AQP7: variants seen among roughly 807,000 people sequenced by gnomAD.
AQP7 encodes aquaporin-7.
AQP7 carries 22 observed loss-of-function variants against 26.1 expected under a neutral mutation model. That is an observed-to-expected ratio of 0.84 (90% CI 0.60 to 1.20). The LOEUF (loss-of-function observed/expected upper bound fraction) is 1.20, where lower values mean the gene tolerates loss of function less well. AQP7 is among the 50% of genes most tolerant of loss of function. The pLI, the probability that AQP7 is intolerant of heterozygous loss-of-function variation, is 0.00. For missense variants in AQP7, 412 were observed against 457.5 expected, an observed-to-expected ratio of 0.90 and a Z score of 0.91; for synonymous variants, 167 against 181.7, an observed-to-expected ratio of 0.92 and a Z score of 0.65.
In AQP7 at chr9:33,385,139, T is replaced by C. The variant is rs1430363924; in HGVS notation, c.895A>G (p.Thr299Ala). ...TGAGATCCCATCTTGGGCAATACGG[T>C]TATCCCGTGGTCTTCATACGCCACA... Reference protein sequence around the residue: ...DSVAYEDHGITVLPKMGSHEP... With the variant: ...DSVAYEDHGIAVLPKMGSHEP... The change falls in exon 8 of 8, where the codon ACC becomes GCC. Residue 299 changes from threonine to alanine, a missense_variant. By Grantham distance (58) the Thr-to-Ala change is moderately conservative. Coordinates refer to ENST00000297988, the MANE Select transcript of AQP7 (RefSeq NM_001170.3). 1 of 1,611,742 alleles carries C rather than the reference T, an allele frequency of 6.2e-7. No individual in the cohort carries two copies. Among genetic ancestry groups the C allele is most frequent in the South Asian group, 1.1e-5 (1 of 90,956 alleles).
In AQP7 at chr9:33,402,548, G is replaced by A. The variant is rs868069246; in HGVS notation, c.-201C>T. Reference sequence around the variant, plus strand: ...CTCTCAGCTCTCCCAGGGCGGCCTCGAGCGCTGCTCCTGCTCCTCCAGGGG... The same window carrying A: ...CTCTCAGCTCTCCCAGGGCGGCCTCAAGCGCTGCTCCTGCTCCTCCAGGGG... On this transcript the variant is annotated 5_prime_UTR_variant, in exon 1 of 8. Coordinates refer to ENST00000297988, the MANE Select transcript of AQP7 (RefSeq NM_001170.3). The A allele has an allele frequency of 2.0e-5, 3 of 152,832 alleles. No homozygotes were observed. The highest frequency in any genetic ancestry group is 2.1e-4 in the South Asian group (1 of 4,838). The allele number at this position is 152,832 out of a possible 1,614,324, so 9.5% of individuals were successfully genotyped here.
Position 33,397,385 on chromosome 9 carries a change from A to G in AQP7, c.27-2190T>C, listed in dbSNP as rs546790091. Among the ~76,000 whole-genome samples the G allele has an allele frequency of 2.0e-5, 3 of 152,036 alleles. No homozygotes were observed. The East Asian group carries it at 5.8e-4, about 30-fold the overall frequency. ...TCTTTGGGCTGCTGCTTGCATTGGT[A>G]GGGTCTCTTCTTCAGGGCTGAGGAG... On this transcript the variant is annotated intron_variant, in intron 2 of 7. Coordinates refer to ENST00000297988, the MANE Select transcript of AQP7 (RefSeq NM_001170.3).
chr9:33,394,773 C>T (rs1825709830), intron 3 of AQP7, among the ~76,000 whole-genome samples: 1 of 152,142 alleles, frequency 6.6e-6, no homozygotes, highest in Non-Finnish European at 1.5e-5. Context: ...GCTGGAATTA[C>T]AGGCATGAGC....
chr9:33,389,011 G>A (rs955769127), intron 3 of AQP7, among the ~76,000 whole-genome samples: 1 of 146,094 alleles, frequency 6.8e-6, no homozygotes, highest in African/African-American at 2.5e-5. Flanking sequence ...CATGTGCCTC[G>A]GCACCCAGCC....
chr9:33,398,670 G>A (rs1826025275), intron 2 of AQP7, among the ~76,000 whole-genome samples: 1 of 152,180 alleles, frequency 6.6e-6, no homozygotes, highest in Non-Finnish European at 1.5e-5. Context: ...GGCCCTTTCT[G>A]GGCATGTTGA....
intron 2 of AQP7, among the ~76,000 whole-genome samples, chr9:33,399,600 CA>C (rs879423212): frequency 1.7e-4 from 24 of 145,096 alleles, no homozygotes; most frequent in East Asian, 8.1e-4. Context: ...GACTCCATCT[CA>C]AAAAAAAAAA....
intron 3 of AQP7, among the ~76,000 whole-genome samples, chr9:33,387,669 G>A (rs1824986350): frequency 6.6e-6 from 1 of 151,864 alleles, no homozygotes; most frequent in South Asian, 2.1e-4. Context: ...ATCCCTCACG[G>A]CTCCTCAGAT....
intron 3 of AQP7, among the ~76,000 whole-genome samples, chr9:33,387,684 A>C (rs3860976): frequency 0.022 from 3,291 of 150,128 alleles, 50 homozygotes; most frequent in East Asian, 0.042. Flanking sequence ...TCAGATAATG[A>C]CGCCTTCACA....
rs1452027648 is a variant in AQP7, at chr9:33,385,970, C to T, written c.526-104G>A. The T allele has an allele frequency of 1.9e-6, 3 of 1,565,506 alleles. No individual in the cohort carries two copies. The African/African-American group carries it at 4.0e-5, about 21-fold the overall frequency. ...CCACCAGCAGAGACACGTCTCGGTA[C>T]AGTCTCCATCCAGAGTTCTTGTCCT... On this transcript the variant is annotated intron_variant, in intron 6 of 7. Transcript: ENST00000297988.
intron 2 of AQP7, among the ~76,000 whole-genome samples, chr9:33,396,761 G>A (rs1344091546): frequency 1.3e-5 from 2 of 149,242 alleles, no homozygotes; most frequent in Admixed American, 6.7e-5. Context: ...CATGCCCCAC[G>A]GTGCCCACTC....
At chr9:33,388,816 G>A (rs887887348) in intron 3 of AQP7, among the ~76,000 whole-genome samples, 4 of 152,138 alleles carry the variant, frequency 2.6e-5, no homozygotes, top group African/African-American at 4.8e-5. Flanking sequence ...AAACAACTGT[G>A]CTGCTCCATG....
At chr9:33,386,048 G>A (rs1824744534) in intron 6 of AQP7, 29 bp downstream of exon 6, 2 of 1,611,910 alleles carry the variant, frequency 1.2e-6, no homozygotes, top group African/African-American at 1.3e-5. Context: ...GGAGGGCAGG[G>A]GGAGGGATAC....
chr9:33,395,302 C>T, intron 2 of AQP7, 107 bp from the exon 3 acceptor site: 2 of 868,344 alleles, frequency 2.3e-6, no homozygotes, highest in Non-Finnish European at 3.8e-6. Context: ...AGCAGCCTCG[C>T]CCACACACGC....
In AQP7 at chr9:33,386,155, G is replaced by C; in HGVS notation, c.447C>G (p.Thr149=). The C allele has an allele frequency of 6.2e-7, 1 of 1,613,966 alleles. No homozygotes were observed. Among genetic ancestry groups the C allele is most frequent in the Non-Finnish European group, 8.5e-7 (1 of 1,179,864 alleles). The change falls in exon 6 of 8, where the codon ACC becomes ACG. Residue 149 remains threonine (T), a synonymous_variant. Transcript: ENST00000297988. The part of the protein sequence containing the change: ...LHFSGGQLMV[T]GPVATAGIFA... ...AAATGCCAGCTGTAGCGACGGGACC[G>C]GTCACCATCAGCTGTCCACCCGAAA...
chr9:33,395,578 G>A (rs2381012), intron 2 of AQP7: 10 of 227,380 alleles, frequency 4.4e-5, no homozygotes, highest in East Asian at 3.5e-4. Context: ...ATGTCTGTCC[G>A]TCTGTCCGTC....
chr9:33,399,656 T>C (rs1333669453), intron 2 of AQP7, among the ~76,000 whole-genome samples: 1 of 151,914 alleles, frequency 6.6e-6, no homozygotes, highest in Non-Finnish European at 1.5e-5. Flanking sequence ...GCACCAGGGA[T>C]ACAAAGTCAA....
rs562772065 is a variant in AQP7, at chr9:33,387,217, C to T, written c.145-125G>A. ...CCTCCCTGGCATTGCCTCGAAGACCCGCTGCCACGCCCTCTTCCTCCAGAG... is the reference window on the plus strand; with the variant it reads ...CCTCCCTGGCATTGCCTCGAAGACCTGCTGCCACGCCCTCTTCCTCCAGAG... On this transcript the variant is annotated intron_variant, in intron 3 of 7. Coordinates refer to ENST00000297988, the MANE Select transcript of AQP7 (RefSeq NM_001170.3). 1.5e-4 allele frequency: 172 copies of T among 1,129,260 alleles called. 1 individual carries two copies. Among genetic ancestry groups the T allele is most frequent in the South Asian group, 1.2e-3 (82 of 66,716 alleles). 70.0% of individuals were successfully genotyped at this position (1,129,260 alleles called of 1,614,324 possible). A position where few individuals can be genotyped will look rare whatever the true frequency, so the allele number is the denominator to read the frequency against.
intron 2 of AQP7, chr9:33,400,930 C>G: frequency 4.7e-6 from 2 of 423,560 alleles, no homozygotes; most frequent in Non-Finnish European, 8.6e-6. Context: ...GGCTCTTGTT[C>G]ACCCCAAAGA....
At position 33,386,501 on chromosome 9, in the gene AQP7, C is replaced by T. The variant is rs145401347; in HGVS notation, c.309G>A (p.Ala103=). Residue 103 remains alanine, a synonymous_variant, in exon 5 of 8, where the codon GCG becomes GCA. Transcript: ENST00000297988. The part of the protein sequence containing the change: ...MNAAVTFANC[A]LGRVPWRKFP... ...ACTTCCTCCAGGGCACGCGGCCCAGCGCACAGTTAGCAAAGGTCACAGCTG... is the reference window on the plus strand; with the variant it reads ...ACTTCCTCCAGGGCACGCGGCCCAGTGCACAGTTAGCAAAGGTCACAGCTG... 1.6e-3 allele frequency: 2,647 copies of T among 1,612,384 alleles called. 57 individuals carry two copies. The East Asian group carries it at 0.048, about 29-fold the overall frequency.
Sources: gnomAD v4.1 joint callset for allele counts (sites outside exome capture counted in the v4.1 genomes callset) on GRCh38, gnomAD v4.1.1 for gene constraint, MANE v1.5 for transcripts, NCBI Gene and HGNC (gene_info 2026-07-23, HGNC 2026-07-21) for gene names.